The following IKBKG variants were observed in gnomAD, a reference collection of about 807,000 sequenced individuals.
The protein encoded by IKBKG is NF-kappa-B essential modulator.
In IKBKG, 2 loss-of-function variants were observed where a neutral mutation model predicts 13.7. That is an observed-to-expected ratio of 0.15 (90% confidence interval 0.06 to 0.46). The LOEUF (loss-of-function observed/expected upper bound fraction) is 0.46. Ranked by LOEUF, IKBKG falls within the 20% of genes least tolerant of loss-of-function variation. The pLI, the probability that IKBKG is intolerant of heterozygous loss-of-function variation, is 0.98. For missense variants in IKBKG, 53 were observed against 150.3 expected, an observed-to-expected ratio of 0.35 and a Z score of 3.39; for synonymous variants, 22 against 64.4, an observed-to-expected ratio of 0.34 and a Z score of 3.15.
At chrX:154,549,607 A>T (rs782183131) in intron 1 of IKBKG, among the ~76,000 whole-genome samples, 1 of 111,725 alleles carries the variant, frequency 9.0e-6, no homozygotes, top group African/African-American at 3.3e-5. Flanking sequence ...TAACAGCTTG[A>T]GATATCATTA....
chrX:154,545,899 C>T (rs1284157412), upstream of IKBKG: 5 of 755,269 alleles, frequency 6.6e-6, no homozygotes, highest in African/African-American at 8.5e-5. Context: ...CCGGGATGAT[C>T]CTGGCGCACT....
At chrX:154,555,331 A>AG (rs1569556560) in intron 2 of IKBKG, among the ~76,000 whole-genome samples, 1 of 111,851 alleles carries the variant, frequency 8.9e-6, no homozygotes, top group African/African-American at 3.3e-5. Flanking sequence ...GATGTAGGCC[A>AG]GGGAGGACCA....
At chrX:154,547,150 C>T (rs1455430302), upstream of IKBKG, 1 of 167,316 alleles carries the variant, frequency 6.0e-6, no homozygotes, top group Non-Finnish European at 1.0e-5. Context: ...CGGCCCGGCC[C>T]CGCCCCTACT....
intron 1 of IKBKG, among the ~76,000 whole-genome samples, chrX:154,548,577 T>G (rs2148359859): frequency 8.9e-6 from 1 of 112,622 alleles, no homozygotes; most frequent in Admixed American, 9.4e-5. Flanking sequence ...TTTGTTTGTT[T>G]TTGAGAGATG....
At chrX:154,555,387 C>T (rs2071033881) in intron 2 of IKBKG, among the ~76,000 whole-genome samples, 2 of 111,793 alleles carry the variant, frequency 1.8e-5, no homozygotes, top group African/African-American at 6.5e-5. Context: ...GACCAGAATA[C>T]AAATGAATTC....
At chrX:154,541,603 G>A (rs369212076) in intron 1 of IKBKG, among the ~76,000 whole-genome samples, 2 of 111,879 alleles carry the variant, frequency 1.8e-5, no homozygotes, top group East Asian at 2.8e-4. Flanking sequence ...GAGTCTACTC[G>A]TGCCATGTGG....
At chrX:154,560,328 AC>A (rs2071116916) in intron 4 of IKBKG, 78 bp from the exon 5 acceptor site, 12 of 279,272 alleles carry the variant, frequency 4.3e-5, no homozygotes, top group Admixed American at 5.5e-5. Flanking sequence ...GCCGACCCCC[AC>A]CCCCCGCCCA....
intron 1 of IKBKG, among the ~76,000 whole-genome samples, chrX:154,551,712 CACAA>C (rs1211847097): frequency 5.4e-5 from 6 of 111,248 alleles, no homozygotes; most frequent in African/African-American, 9.8e-5. Flanking sequence ...CATCTCCCTC[CACAA>C]ACAGTCTTGT....
At chrX:154,550,785 C>T (rs2070907651) in intron 1 of IKBKG, among the ~76,000 whole-genome samples, 1 of 110,570 alleles carries the variant, frequency 9.0e-6, no homozygotes, top group Non-Finnish European at 1.9e-5. Context: ...GGACTACAGG[C>T]GCGTGTCACC....
upstream of IKBKG, chrX:154,546,899 T>G (rs1182767050): frequency 1.1e-6 from 1 of 884,089 alleles, no homozygotes. Flanking sequence ...GGCGGGCGCC[T>G]GGGCTGAGCG....
chrX:154,555,314 C>T (rs1557235790), intron 2 of IKBKG, among the ~76,000 whole-genome samples: 2 of 111,855 alleles, frequency 1.8e-5, no homozygotes, highest in Non-Finnish European at 3.8e-5. Flanking sequence ...ATCTAGAAGA[C>T]AGCAGAGATG....
intron 1 of IKBKG, among the ~76,000 whole-genome samples, chrX:154,549,811 C>T (rs1283176870): frequency 2.7e-5 from 3 of 112,275 alleles, no homozygotes; most frequent in Non-Finnish European, 5.6e-5. Context: ...CTGTTGTAGA[C>T]ATCTTATATA....
chrX:154,544,370 C>T (rs782441818), upstream of IKBKG, among the ~76,000 whole-genome samples: 1 of 110,861 alleles, frequency 9.0e-6, no homozygotes, highest in South Asian at 3.8e-4. Flanking sequence ...CCATGTTGGC[C>T]AGGATGGTCT....
chrX:154,545,888 G>C (rs1051432645), upstream of IKBKG: 2 of 680,960 alleles, frequency 2.9e-6, no homozygotes, highest in Non-Finnish European at 4.6e-6. Context: ...ACCAGGTAGA[G>C]CCGGGATGAT....
chrX:154,563,325 G>A (rs1359625219), intron 7 of IKBKG, among the ~76,000 whole-genome samples: 1 of 9,720 alleles, frequency 1.0e-4, no homozygotes, highest in African/African-American at 9.4e-4. Context: ...CACCGCACCC[G>A]GCCTCTTTGG....
intron 1 of IKBKG, among the ~76,000 whole-genome samples, chrX:154,551,470 T>G (rs1557235006): frequency 2.7e-5 from 3 of 111,400 alleles, no homozygotes; most frequent in Admixed American, 1.9e-4. Context: ...CTGTCTCTCA[T>G]AAAGACACGT....
At chrX:154,548,990 CTTTCTT>C (rs1356513895) in intron 1 of IKBKG, among the ~76,000 whole-genome samples, 1 of 102,643 alleles carries the variant, frequency 9.7e-6, no homozygotes, top group Non-Finnish European at 2.0e-5. Flanking sequence ...TTCTTTCTTT[CTTTCTT>C]TTTTTTTTTT....
chrX:154,547,897 C>T, intron 1 of IKBKG, 152 bp downstream of exon 1: 9 of 755,038 alleles, frequency 1.2e-5, no homozygotes, highest in Non-Finnish European at 1.4e-5. Flanking sequence ...CGGGCCGATT[C>T]AGGACCCAGG....
At chrX:154,542,494 G>A, upstream of IKBKG, 1 of 1,142,594 alleles carries the variant, frequency 8.8e-7, no homozygotes, top group Non-Finnish European at 1.2e-6. Flanking sequence ...TGGGAGTCCT[G>A]AGAAGGCAGG....
Sources: allele counts gnomAD v4.1 joint callset (sites outside exome capture counted in the v4.1 genomes callset), GRCh38; gene constraint gnomAD v4.1.1; transcripts MANE v1.5; gene names NCBI Gene and HGNC (gene_info 2026-07-23, HGNC 2026-07-21).